CSNK1G1: variants seen among roughly 807,000 people sequenced by gnomAD.
CSNK1G1 encodes the protein casein kinase I isoform gamma-1.
A neutral mutation model predicts 59.6 loss-of-function variants in CSNK1G1; 22 were observed. The observed-to-expected ratio is 0.37, with a 90% CI of 0.26 to 0.53. The LOEUF (loss-of-function observed/expected upper bound fraction) is 0.53. Among genes scored for constraint, CSNK1G1 ranks in the 20% least tolerant of loss-of-function variants. The pLI, the probability that CSNK1G1 is intolerant of heterozygous loss-of-function variation, is 0.89. For missense variants in CSNK1G1, 384 were observed against 519.5 expected, an observed-to-expected ratio of 0.74 and a Z score of 2.54; for synonymous variants, 179 against 177.1, an observed-to-expected ratio of 1.01 and a Z score of -0.08.
intron 2 of CSNK1G1, among the ~76,000 whole-genome samples, chr15:64,265,580 T>C (rs1233035772): frequency 1.3e-5 from 2 of 151,792 alleles, no homozygotes; most frequent in Admixed American, 1.3e-4. Flanking sequence ...CTTTCCTTTA[T>C]AAATTAGCCA....
At chr15:64,226,507 G>C (rs538777489) in intron 4 of CSNK1G1, among the ~76,000 whole-genome samples, 1 of 151,660 alleles carries the variant, frequency 6.6e-6, no homozygotes, top group South Asian at 2.1e-4. Flanking sequence ...AGTGAGCCAA[G>C]ATCGCAACAC....
At chr15:64,181,686 A>G in intron 10 of CSNK1G1, 1 of 391,954 alleles carries the variant, frequency 2.6e-6, no homozygotes, top group South Asian at 3.7e-5. Flanking sequence ...CAAGATCCTC[A>G]GTCTATGCCT....
At chr15:64,205,051 A>G (rs2082159011) in intron 7 of CSNK1G1, 102 bp from the exon 8 acceptor site, 4 of 640,600 alleles carry the variant, frequency 6.2e-6, no homozygotes, top group South Asian at 2.2e-5. Flanking sequence ...AATTCGCAGT[A>G]TTTGTTGGTC....
intron 3 of CSNK1G1, among the ~76,000 whole-genome samples, chr15:64,252,139 T>G (rs1156273276): frequency 6.6e-6 from 1 of 151,364 alleles, no homozygotes; most frequent in Non-Finnish European, 1.5e-5. Flanking sequence ...TAATATAGAC[T>G]AATGAACTTA....
intron 2 of CSNK1G1, among the ~76,000 whole-genome samples, chr15:64,277,754 A>G (rs1487047559): frequency 1.0e-4 from 7 of 68,932 alleles, no homozygotes; most frequent in Non-Finnish European, 1.9e-4. Flanking sequence ...TATATTTAAT[A>G]ATATAGCAAT....
rs2081922727 is a variant in CSNK1G1 at position 64,188,133 on chromosome 15, C to G, written c.1108-7679G>C. Reference sequence around the variant, plus strand: ...TCATGAATGCATCAAGGTGGTAGGACTAGGTTAACCAGAAATCAGTATCAG... The same window carrying G: ...TCATGAATGCATCAAGGTGGTAGGAGTAGGTTAACCAGAAATCAGTATCAG... On this transcript the variant is annotated intron_variant, in intron 10 of 11. Coordinates refer to ENST00000303052, the MANE Select transcript of CSNK1G1 (RefSeq NM_022048.5). The surrounding 1 kb of genome is among the most constrained non-coding windows in gnomAD (Gnocchi z 4.2). 6.6e-6 allele frequency among the ~76,000 whole-genome samples: 1 copy of G among 152,146 alleles called. No individual in the cohort carries two copies. Among genetic ancestry groups the G allele is most frequent in the Non-Finnish European group, 1.5e-5 (1 of 68,028 alleles).
chr15:64,195,418 T>C (rs983252979), intron 10 of CSNK1G1, among the ~76,000 whole-genome samples: 4 of 152,310 alleles, frequency 2.6e-5, no homozygotes, highest in Non-Finnish European at 4.4e-5. Context: ...TCCTGAACCA[T>C]TGCGGTGTAA....
At chr15:64,190,691 G>C (rs1252832291) in intron 10 of CSNK1G1, among the ~76,000 whole-genome samples, 2 of 152,222 alleles carry the variant, frequency 1.3e-5, no homozygotes, top group Non-Finnish European at 2.9e-5. Flanking sequence ...TGGAATTACA[G>C]GCGTGAGCCA....
At chr15:64,247,433 T>C (rs1252376509) in intron 4 of CSNK1G1, among the ~76,000 whole-genome samples, 2 of 152,228 alleles carry the variant, frequency 1.3e-5, no homozygotes, top group Non-Finnish European at 2.9e-5. Flanking sequence ...CATGGTCCCC[T>C]TTACTTTCTT....
chr15:64,347,110 G>T (rs1898018925), intron 1 of CSNK1G1, among the ~76,000 whole-genome samples: 1 of 152,130 alleles, frequency 6.6e-6, no homozygotes, highest in African/African-American at 2.4e-5. Flanking sequence ...ATATCTATTA[G>T]ATAACGAGTA....
chr15:64,281,179 A>G (rs762224353), intron 2 of CSNK1G1, among the ~76,000 whole-genome samples: 2 of 152,176 alleles, frequency 1.3e-5, no homozygotes, highest in Non-Finnish European at 2.9e-5. Flanking sequence ...ATGCCGGGCC[A>G]AAGGAAGGAA....
chr15:64,220,538 C>T (rs1392475984), intron 4 of CSNK1G1, among the ~76,000 whole-genome samples: 1 of 149,540 alleles, frequency 6.7e-6, no homozygotes, highest in East Asian at 2.0e-4. Context: ...GCTCTGCTGC[C>T]CAGGCTGGAG....
At position 64,203,079 on chromosome 15, in the gene CSNK1G1, T is replaced by C. The variant is rs2082129246; in HGVS notation, c.1107+3A>G. On this transcript the variant is annotated splice_donor_region_variant and intron_variant, in intron 10 of 11. Coordinates refer to ENST00000303052, the MANE Select transcript of CSNK1G1 (RefSeq NM_022048.5). ...TCTGAAAGAATGGAGGATCAACACA[T>C]ACCTGATTTCGAAGAGGCTGCTGTT... The C allele has an allele frequency of 2.5e-6, 4 of 1,608,284 alleles. No individual in the cohort carries two copies. The highest frequency in any genetic ancestry group is 2.2e-5 in the South Asian group (2 of 90,960).
At chr15:64,296,749 A>G (rs757348662) in intron 2 of CSNK1G1, among the ~76,000 whole-genome samples, 1 of 152,020 alleles carries the variant, frequency 6.6e-6, no homozygotes, top group Non-Finnish European at 1.5e-5. Flanking sequence ...CTGTAATCCC[A>G]GCTACTTGGG....
At chr15:64,283,489 C>G (rs748420601) in intron 2 of CSNK1G1, among the ~76,000 whole-genome samples, 3 of 152,034 alleles carry the variant, frequency 2.0e-5, no homozygotes, top group African/African-American at 7.2e-5. Flanking sequence ...ATTACAGAAG[C>G]GCACCAACAC....
At chr15:64,180,294 C>G in intron 11 of CSNK1G1, 54 bp downstream of exon 11, 1 of 1,300,258 alleles carries the variant, frequency 7.7e-7, no homozygotes, top group Non-Finnish European at 1.1e-6. Context: ...GAGGAAGAGA[C>G]AGAAAAGATT....
intron 4 of CSNK1G1, among the ~76,000 whole-genome samples, chr15:64,239,370 T>G (rs1233438341): frequency 6.6e-6 from 1 of 152,132 alleles, no homozygotes; most frequent in African/African-American, 2.4e-5. Context: ...GTATGTTTTT[T>G]TTCTTTGTTT....
intron 2 of CSNK1G1, among the ~76,000 whole-genome samples, chr15:64,288,630 C>G (rs945313351): frequency 6.6e-6 from 1 of 151,200 alleles, no homozygotes; most frequent in Non-Finnish European, 1.5e-5. Flanking sequence ...CCTAGTAACC[C>G]CAACATAGAA....
At chr15:64,201,359 A>G (rs1414785951) in intron 10 of CSNK1G1, among the ~76,000 whole-genome samples, 1 of 152,146 alleles carries the variant, frequency 6.6e-6, no homozygotes, top group Admixed American at 6.5e-5. Flanking sequence ...ATCAACAGCA[A>G]TATGTCAGTT....
Sources: gnomAD v4.1 joint callset for allele counts (sites outside exome capture counted in the v4.1 genomes callset) on GRCh38, gnomAD v4.1.1 for gene constraint, Gnocchi (gnomAD v3.1) non-coding constraint, MANE v1.5 for transcripts, NCBI Gene and HGNC (gene_info 2026-07-23, HGNC 2026-07-21) for gene names.